Variants in GJB7 observed in about 807,000 individuals in gnomAD.
The protein encoded by GJB7 is gap junction protein beta 7, also known as gap junction beta-7 protein.
For synonymous variants in GJB7, 87 were observed against 95.2 expected (o/e 0.91, Z 0.50); for missense variants, 253 against 256.8 (o/e 0.99, Z 0.10).
chr6:87,321,848 A>G (rs1254989221), intron 2 of GJB7, among the ~76,000 whole-genome samples: 1 of 152,152 alleles, frequency 6.6e-6, no homozygotes, highest in Non-Finnish European at 1.5e-5. Flanking sequence ...CAGGAGAGAG[A>G]GAGAAAGAGA....
At chr6:87,301,765 TGGGA>T (rs1362871544) in intron 2 of GJB7, among the ~76,000 whole-genome samples, 1 of 152,218 alleles carries the variant, frequency 6.6e-6, no homozygotes, top group Non-Finnish European at 1.5e-5. Context: ...GTAGCCTAAC[TGGGA>T]GGCATCCCCC....
intron 2 of GJB7, among the ~76,000 whole-genome samples, chr6:87,308,263 T>G (rs1229879005): frequency 6.6e-6 from 1 of 151,866 alleles, no homozygotes; most frequent in East Asian, 1.9e-4. Context: ...CATTAGGAGA[T>G]ATACCTAATG....
At chr6:87,325,945 C>T (rs192462179) in intron 1 of GJB7, among the ~76,000 whole-genome samples, 117 of 152,282 alleles carry the variant, frequency 7.7e-4, no homozygotes, top group African/African-American at 2.7e-3. Flanking sequence ...AATTTCAGCT[C>T]CTGTTATTGG....
chr6:87,284,250 G>T lies in GJB7; in HGVS notation c.663C>A (p.Leu221=). 6.2e-7 allele frequency: 1 copy of T among 1,612,684 alleles called. No homozygotes were observed. The highest frequency in any genetic ancestry group is 1.1e-5 in the South Asian group (1 of 90,946). The change falls in exon 3 of 3, where the codon CTC becomes CTA. Residue 221 remains leucine, a synonymous_variant. Transcript: ENST00000525899. ...LQKYLKKPQV[L]SV is the part of the protein sequence containing the mutation. ...TCTGAGGCTGTGGCACTCACACACT[G>T]AGGACTTGAGGTTTTTTTAAATATT...
chr6:87,299,180 A>T, intron 2 of GJB7: 1 of 452,250 alleles, frequency 2.2e-6, no homozygotes, highest in Non-Finnish European at 4.4e-6. Context: ...GGAAATCAGA[A>T]GTGTGATGTT....
intron 1 of GJB7, among the ~76,000 whole-genome samples, chr6:87,326,563 G>A (rs962694166): frequency 6.6e-6 from 1 of 150,572 alleles, no homozygotes; most frequent in African/African-American, 2.5e-5. Context: ...CAGTTTCCAT[G>A]TAGTTGAGTG....
At chr6:87,286,473 T>G (rs1016291680) in intron 2 of GJB7, among the ~76,000 whole-genome samples, 5 of 152,236 alleles carry the variant, frequency 3.3e-5, no homozygotes, top group African/African-American at 1.2e-4. Context: ...CATTAGGTTC[T>G]ATTTCCAGTC....
At position 87,284,286 on chromosome 6, in the gene GJB7, G is replaced by T; in HGVS notation, c.627C>A (p.Cys209Ter). The T allele has an allele frequency of 6.2e-7, 1 of 1,613,836 alleles. No individual in the cohort carries two copies. The highest frequency in any genetic ancestry group is 8.5e-7 in the Non-Finnish European group (1 of 1,179,878). ...GTTTTTTTAAATATTTTTGGAGACA[G>T]CACTTAATAAAGCACTTGAGAACCA... ...SFLVLKCFIKCCLQKYLKKPQ... is the reference protein window; with the variant it reads ...SFLVLKCFIK Residue 209 changes from cysteine (C) to a stop codon, truncating the protein, a stop_gained, in exon 3 of 3, where the codon TGC (cysteine) becomes TGA (stop). Transcript: ENST00000525899. LOFTEE classifies it high-confidence loss of function.
intron 2 of GJB7, among the ~76,000 whole-genome samples, chr6:87,302,982 A>G (rs1223754638): frequency 1.3e-5 from 2 of 152,236 alleles, no homozygotes; most frequent in Non-Finnish European, 2.9e-5. Context: ...AAATGCTGAG[A>G]GATTTGTCAC....
chr6:87,323,250 A>G (rs1170279595), intron 1 of GJB7, among the ~76,000 whole-genome samples: 1 of 146,062 alleles, frequency 6.8e-6, no homozygotes, highest in African/African-American at 2.5e-5. Context: ...AGAGGTGGAA[A>G]GATACTTTTG....
chr6:87,288,968 ATT>A (rs1166372136), intron 2 of GJB7, among the ~76,000 whole-genome samples: 1 of 152,042 alleles, frequency 6.6e-6, no homozygotes, highest in Admixed American at 6.6e-5. Context: ...GTATATTCTC[ATT>A]TCTCTGCCCT....
Position 87,284,105 on chromosome 6 carries a change from T to G in GJB7, c.*136A>C. 1 of 701,378 alleles carries G rather than the reference T, an allele frequency of 1.4e-6. No individual in the cohort carries two copies. Among genetic ancestry groups the G allele is most frequent in the Non-Finnish European group, 2.4e-6 (1 of 420,110 alleles). The allele number at this position is 701,378 out of a possible 1,614,324, so 43.4% of individuals were successfully genotyped here. On this transcript the variant is annotated 3_prime_UTR_variant, in exon 3 of 3. Coordinates refer to ENST00000525899, the MANE Select transcript of GJB7 (RefSeq NM_198568.3). ...TGCTGAGGAGGGATGCAGGTTTTCT[T>G]TGTTTAACCCTCTTGTGTGTCACAG... is the stretch of plus-strand genomic sequence containing the variant.
At chr6:87,326,254 GTC>G (rs1324510495) in intron 1 of GJB7, among the ~76,000 whole-genome samples, 1 of 152,120 alleles carries the variant, frequency 6.6e-6, no homozygotes, top group African/African-American at 2.4e-5. Flanking sequence ...GGTTTTTAAT[GTC>G]TCTATTTCCT....
chr6:87,291,713 G>A (rs1482658087), intron 2 of GJB7, among the ~76,000 whole-genome samples: 2 of 152,152 alleles, frequency 1.3e-5, no homozygotes, highest in African/African-American at 4.8e-5. Context: ...GCACAAAACT[G>A]AATGGCAGTA....
At chr6:87,304,763 G>A (rs1776395672) in intron 2 of GJB7, among the ~76,000 whole-genome samples, 1 of 152,156 alleles carries the variant, frequency 6.6e-6, no homozygotes, top group South Asian at 2.1e-4. Context: ...GAACATCAAT[G>A]CAAAAATCCT....
At chr6:87,321,832 G>A (rs1214117241) in intron 2 of GJB7, among the ~76,000 whole-genome samples, 2 of 152,104 alleles carry the variant, frequency 1.3e-5, no homozygotes. Flanking sequence ...ACGTCTTACC[G>A]TGGTGCAGGA....
intron 2 of GJB7, among the ~76,000 whole-genome samples, chr6:87,308,027 T>C (rs967575528): frequency 3.9e-5 from 6 of 152,158 alleles, no homozygotes; most frequent in African/African-American, 1.4e-4. Flanking sequence ...ACATATACAC[T>C]ATGGAATACT....
chr6:87,316,360 G>A (rs1469162604), intron 2 of GJB7, among the ~76,000 whole-genome samples: 1 of 151,996 alleles, frequency 6.6e-6, no homozygotes, highest in Non-Finnish European at 1.5e-5. Context: ...TCTTTTTCTT[G>A]CATAGCTCCA....
intron 2 of GJB7, among the ~76,000 whole-genome samples, chr6:87,289,798 G>A (rs889265264): frequency 2.6e-5 from 4 of 152,288 alleles, no homozygotes; most frequent in Admixed American, 2.0e-4. Context: ...AACTTCCTGC[G>A]AGGTTCAGGC....
Sources: allele counts gnomAD v4.1 joint callset (sites outside exome capture counted in the v4.1 genomes callset), GRCh38; gene constraint gnomAD v4.1.1; transcripts MANE v1.5; gene names NCBI Gene and HGNC (gene_info 2026-07-23, HGNC 2026-07-21).